The following FAT3 variants were observed in gnomAD, a reference collection of about 807,000 sequenced individuals.
FAT3 encodes the protein FAT atypical cadherin 3, also known as protocadherin Fat 3.
Under a neutral mutation model 310.2 loss-of-function variants are expected in FAT3, and 95 were observed. That is an observed-to-expected ratio of 0.31 (90% CI 0.26 to 0.36). The LOEUF is 0.36. Ranked by LOEUF, FAT3 falls within the 10% of genes least tolerant of loss-of-function variation. The pLI is 1.00. For synonymous variants in FAT3, 2,314 were observed against 2,192.9 expected, an observed-to-expected ratio of 1.06 and a Z score of -1.54; for missense variants, 5,408 against 5,715.6, an observed-to-expected ratio of 0.95 and a Z score of 1.74.
chr11:92,354,709 T>C lies in FAT3; in HGVS notation c.2597T>C (p.Val866Ala), dbSNP rs1288865194. Residue 866 changes from valine (V) to alanine (A), a missense_variant, in exon 2 of 28, where the codon GTG (valine) becomes GCG (alanine). Transcript: ENST00000525166. ...AAAGACTTAGGTTCTAATGGTGAAG[T>C]GACTTACTCAGTCTTGACAGATACA... is the stretch of plus-strand genomic sequence containing the variant. ...RDKDLGSNGE[V>A]TYSVLTDTQQ... 1.2e-6 allele frequency: 2 copies of C among 1,613,824 alleles called. No homozygotes were observed. The highest frequency in any genetic ancestry group is 2.7e-5 in the African/African-American group (2 of 74,946).
chr11:92,821,233 A>C (rs894594977), intron 13 of FAT3, among the ~76,000 whole-genome samples: 5 of 152,208 alleles, frequency 3.3e-5, no homozygotes, highest in Non-Finnish European at 7.3e-5. Context: ...AAGATGACTT[A>C]ATTAGTGGCA....
intron 1 of FAT3, among the ~76,000 whole-genome samples, chr11:92,230,821 C>T (rs1218126687): frequency 6.6e-6 from 1 of 152,054 alleles, no homozygotes; most frequent in South Asian, 2.1e-4. Context: ...GAACAGGAGC[C>T]TCAAGGAGGA....
At chr11:92,374,085 C>T (rs559093512) in intron 2 of FAT3, among the ~76,000 whole-genome samples, 46 of 149,530 alleles carry the variant, frequency 3.1e-4, no homozygotes, top group Non-Finnish European at 4.7e-4. Flanking sequence ...CCTTTTTGTT[C>T]TATCTGGGTC....
At chr11:92,582,022 T>C (rs558560871) in intron 3 of FAT3, among the ~76,000 whole-genome samples, 1 of 152,208 alleles carries the variant, frequency 6.6e-6, no homozygotes, top group South Asian at 2.1e-4. Flanking sequence ...TATTTCCTGA[T>C]GATATGCTAA....
chr11:92,828,999 C>T lies in FAT3; in HGVS notation c.9482-2623C>T, dbSNP rs1392690389. The stretch of plus-strand genomic sequence containing the variant: ...GGAGAGCGGCAGCGTGCAAATCCAG[C>T]CCCTACCTCTCCTCACTCATCTGTT... On this transcript the variant is annotated intron_variant, in intron 13 of 27. Coordinates refer to ENST00000525166, the MANE Select transcript of FAT3 (RefSeq NM_001367949.2). Among the ~76,000 whole-genome samples the T allele has an allele frequency of 2.6e-5, 4 of 152,306 alleles. No homozygotes were observed. In the East Asian group the frequency reaches 7.7e-4, roughly 29 times the overall value.
intron 9 of FAT3, among the ~76,000 whole-genome samples, chr11:92,797,589 G>A (rs750979243): frequency 6.6e-6 from 1 of 152,146 alleles, no homozygotes; most frequent in African/African-American, 2.4e-5. Context: ...CATTGTCATT[G>A]TGTTTTTAAC....
chr11:92,754,627 C>CAAAAAAAAAAAAAAAAAAAAAAAAAAAAA (rs71064722), intron 4 of FAT3, among the ~76,000 whole-genome samples: 4 of 32,716 alleles, frequency 1.2e-4, no homozygotes, highest in African/African-American at 4.6e-4. Context: ...GACTCTGCCT[C>CAAAAAAAAAAAAAAAAAAAAAAAAAAAAA]AAAAAAAAAA....
chr11:92,375,153 C>T (rs1367318291), intron 2 of FAT3, among the ~76,000 whole-genome samples: 1 of 151,902 alleles, frequency 6.6e-6, no homozygotes, highest in African/African-American at 2.4e-5. Flanking sequence ...GACAGGGTCA[C>T]CCTGTCTCTG....
At chr11:92,543,111 T>C (rs1954504010) in intron 3 of FAT3, among the ~76,000 whole-genome samples, 1 of 151,996 alleles carries the variant, frequency 6.6e-6, no homozygotes, top group African/African-American at 2.4e-5. Context: ...ACTCACATGG[T>C]GAATCTAAAA....
intron 3 of FAT3, among the ~76,000 whole-genome samples, chr11:92,579,743 C>G (rs891488986): frequency 3.3e-5 from 5 of 152,104 alleles, no homozygotes; most frequent in African/African-American, 1.2e-4. Context: ...GCATTGACAT[C>G]AGAGAAATCT....
intron 3 of FAT3, among the ~76,000 whole-genome samples, chr11:92,619,720 G>T (rs1940993977): frequency 6.6e-6 from 1 of 151,308 alleles, no homozygotes; most frequent in African/African-American, 2.4e-5. Flanking sequence ...TCTCATTTCT[G>T]ATTTTAGCAA....
At chr11:92,590,658 A>G (rs1002486035) in intron 3 of FAT3, among the ~76,000 whole-genome samples, 3 of 152,216 alleles carry the variant, frequency 2.0e-5, no homozygotes, top group African/African-American at 7.2e-5. Flanking sequence ...ATTGATTCAT[A>G]GAAAAATCCT....
intron 1 of FAT3, among the ~76,000 whole-genome samples, chr11:92,286,235 G>C (rs1187919161): frequency 1.3e-5 from 2 of 152,138 alleles, no homozygotes; most frequent in African/African-American, 4.8e-5. Flanking sequence ...AGTGTCTGTG[G>C]ATTGGAAAAA....
intron 6 of FAT3, 107 bp from the exon 7 acceptor site, chr11:92,773,934 C>A: frequency 8.2e-7 from 1 of 1,212,928 alleles, no homozygotes; most frequent in Non-Finnish European, 1.2e-6. Flanking sequence ...CATAGGGATG[C>A]CTGTCAAAAA....
chr11:92,311,576 TAAAC>T (rs1464801894), intron 1 of FAT3, among the ~76,000 whole-genome samples: 1 of 152,226 alleles, frequency 6.6e-6, no homozygotes, highest in African/African-American at 2.4e-5. Context: ...TGCATCCACT[TAAAC>T]AACCTAGGGA....
At chr11:92,803,374 C>T (rs1424500982) in intron 10 of FAT3, among the ~76,000 whole-genome samples, 1 of 152,190 alleles carries the variant, frequency 6.6e-6, no homozygotes, top group African/African-American at 2.4e-5. Flanking sequence ...CACAACTTGG[C>T]TGTGCTGCCT....
intron 19 of FAT3, among the ~76,000 whole-genome samples, chr11:92,845,290 G>A (rs1419934579): frequency 6.6e-6 from 1 of 152,270 alleles, no homozygotes; most frequent in Non-Finnish European, 1.5e-5. Flanking sequence ...ATTGGCTGAT[G>A]AGAAGCGAAG....
chr11:92,745,798 G>T (rs1945648902), intron 4 of FAT3, among the ~76,000 whole-genome samples: 1 of 152,182 alleles, frequency 6.6e-6, no homozygotes, highest in African/African-American at 2.4e-5. Context: ...CAAGGTCCAT[G>T]CATGCATGCA....
At chr11:92,227,761 T>A (rs1263997509) in intron 1 of FAT3, among the ~76,000 whole-genome samples, 1 of 150,254 alleles carries the variant, frequency 6.7e-6, no homozygotes, top group Non-Finnish European at 1.5e-5. Flanking sequence ...TCTTTTTTTT[T>A]TTTTTCTTTA....
Sources: gnomAD v4.1 joint callset for allele counts (sites outside exome capture counted in the v4.1 genomes callset) on GRCh38, gnomAD v4.1.1 for gene constraint, MANE v1.5 for transcripts, NCBI Gene and HGNC (gene_info 2026-07-23, HGNC 2026-07-21) for gene names.